BAIAP2: variants seen among roughly 807,000 people sequenced by gnomAD.
BAIAP2 encodes the protein BAR/IMD domain containing adaptor protein 2, also known as BAR/IMD domain-containing adapter protein 2.
A neutral mutation model predicts 63.0 loss-of-function variants in BAIAP2; 18 were observed. That is an observed-to-expected ratio of 0.29 (90% CI 0.20 to 0.42). BAIAP2 has a LOEUF of 0.42. Ranked by LOEUF, BAIAP2 falls within the 10% of genes least tolerant of loss-of-function variation. BAIAP2 has a pLI of 1.00. For missense variants in BAIAP2, 610 were observed against 734.3 expected (o/e 0.83, Z 1.96); for synonymous variants, 386 against 307.6 (o/e 1.25, Z -2.67).
At chr17:81,102,394 C>T (rs945207744) in intron 7 of BAIAP2, among the ~76,000 whole-genome samples, 2 of 152,160 alleles carry the variant, frequency 1.3e-5, no homozygotes, top group African/African-American at 2.4e-5. Context: ...ACTCCTCTAC[C>T]ACTGATCTCA....
In BAIAP2 at chr17:81,098,308, ACT is replaced by A. The variant is rs2057981195; in HGVS notation, c.490-1614_490-1613del. ...AGCGGCCGCCCTCAGCTTCTTCGCC[ACT>A]CTCTCCCCCAAACTCCCCCTCTCCA... On this transcript the variant is annotated intron_variant, in intron 6 of 13. Transcript: ENST00000428708. 4.0e-6 allele frequency: 3 copies of A among 745,010 alleles called. No homozygotes were observed. In the South Asian group the frequency reaches 1.9e-4, roughly 48 times the overall value. The allele number at this position is 745,010 out of a possible 1,614,324, so 46.1% of individuals were successfully genotyped here. A position where few individuals can be genotyped will look rare whatever the true frequency, so the allele number is the denominator to read the frequency against.
chr17:81,082,129 C>G (rs973789584), intron 3 of BAIAP2, among the ~76,000 whole-genome samples: 4 of 152,104 alleles, frequency 2.6e-5, no homozygotes. Flanking sequence ...CCCCGTGAGC[C>G]CTGTGGTTGT....
chr17:81,106,259 T>C, intron 11 of BAIAP2, 113 bp downstream of exon 11: 1 of 1,133,936 alleles, frequency 8.8e-7, no homozygotes, highest in South Asian at 1.5e-5. Context: ...CCTTGTCTGC[T>C]ACCGCAGGGC....
intron 1 of BAIAP2, chr17:81,036,835 C>T (rs1656473461): frequency 2.7e-6 from 4 of 1,507,242 alleles, no homozygotes; most frequent in African/African-American, 1.4e-5. Context: ...TAGTCATTAG[C>T]TCCATTACGA....
chr17:81,073,137 G>C (rs990608131), intron 3 of BAIAP2, among the ~76,000 whole-genome samples: 5 of 152,040 alleles, frequency 3.3e-5, no homozygotes, highest in Admixed American at 2.6e-4. Flanking sequence ...GGGGCCTTCT[G>C]TCCCCATGAC....
At chr17:81,048,899 G>A (rs1385000264) in intron 1 of BAIAP2, among the ~76,000 whole-genome samples, 2 of 152,216 alleles carry the variant, frequency 1.3e-5, no homozygotes, top group African/African-American at 2.4e-5. Flanking sequence ...CCGGCACTTC[G>A]CGGCATGCGT....
chr17:81,046,667 A>G lies in BAIAP2; in HGVS notation c.55-7001A>G, dbSNP rs2047851881. Reference sequence around the variant, plus strand: ...ACTGAGCCTGTGGCCCCCGGACAGCAAGCTCTGAGGTGTCCTCCCGCGAGG... The same window carrying G: ...ACTGAGCCTGTGGCCCCCGGACAGCGAGCTCTGAGGTGTCCTCCCGCGAGG... On this transcript the variant is annotated intron_variant, in intron 1 of 13. Coordinates refer to ENST00000428708, the MANE Select transcript of BAIAP2 (RefSeq NM_001144888.2). The surrounding 1 kb of genome is among the most constrained non-coding windows in gnomAD (Gnocchi z 4.5). 6.6e-6 allele frequency among the ~76,000 whole-genome samples: 1 copy of G among 152,118 alleles called. No individual in the cohort carries two copies. The highest frequency in any genetic ancestry group is 2.4e-5 in the African/African-American group (1 of 41,414).
At chr17:81,104,812 T>C (rs1194343206) in intron 10 of BAIAP2, 97 bp downstream of exon 10, 3 of 1,317,426 alleles carry the variant, frequency 2.3e-6, no homozygotes, top group Non-Finnish European at 3.1e-6. Context: ...GTGTTTAGAG[T>C]GGCTGTGCAG....
At chr17:81,036,621 G>A (rs1481898133) in intron 1 of BAIAP2, among the ~76,000 whole-genome samples, 1 of 152,228 alleles carries the variant, frequency 6.6e-6, no homozygotes, top group Non-Finnish European at 1.5e-5. Flanking sequence ...TTCTGAAGGC[G>A]GGTGTGCGGT....
intron 6 of BAIAP2, among the ~76,000 whole-genome samples, chr17:81,089,355 CAG>C (rs1199312934): frequency 6.6e-6 from 1 of 152,180 alleles, no homozygotes; most frequent in African/African-American, 2.4e-5. Flanking sequence ...TTCGCAGCCA[CAG>C]GGGGCTGGAC....
At chr17:81,088,710 C>T (rs544382974) in intron 6 of BAIAP2, among the ~76,000 whole-genome samples, 1 of 152,334 alleles carries the variant, frequency 6.6e-6, no homozygotes, top group East Asian at 1.9e-4. Context: ...GGGGGTCAGC[C>T]TTTCTTCCTT....
chr17:81,046,295 T>G lies in BAIAP2; in HGVS notation c.55-7373T>G, dbSNP rs554878924. Among the ~76,000 whole-genome samples, 6 of 152,128 alleles carry G rather than the reference T, an allele frequency of 3.9e-5. No individual in the cohort carries two copies. Among genetic ancestry groups the G allele is most frequent in the Non-Finnish European group, 5.9e-5 (4 of 68,008 alleles). ...TCCTAAATCCGTGTACATGTGTTTG[T>G]AGTTTGTCTCCGACTCAAACCAAGT... On this transcript the variant is annotated intron_variant, in intron 1 of 13. Coordinates refer to ENST00000428708, the MANE Select transcript of BAIAP2 (RefSeq NM_001144888.2). The surrounding 1 kb of genome is among the most constrained non-coding windows in gnomAD (Gnocchi z 4.5).
intron 3 of BAIAP2, chr17:81,076,561 CT>C (rs1306108964): frequency 6.6e-6 from 1 of 152,206 alleles, no homozygotes; most frequent in African/African-American, 2.4e-5. Flanking sequence ...CTGTCATCCC[CT>C]GAAGCTGCTT....
At chr17:81,054,517 T>A (rs554120857) in intron 2 of BAIAP2, among the ~76,000 whole-genome samples, 1 of 152,296 alleles carries the variant, frequency 6.6e-6, no homozygotes, top group South Asian at 2.1e-4. Context: ...CGCCCCTGCC[T>A]GTGCGGGCTG....
At chr17:81,109,372 TAAAAAAAAAAAA>T (rs747875777) in intron 13 of BAIAP2, 30 of 890,622 alleles carry the variant, frequency 3.4e-5, no homozygotes, top group Admixed American at 3.0e-4. Context: ...AGAAAAATCT[TAAAAAAAAAAAA>T]AAAAAAAAAA....
intron 1 of BAIAP2, among the ~76,000 whole-genome samples, chr17:81,039,324 A>G (rs986409419): frequency 6.6e-6 from 1 of 152,178 alleles, no homozygotes; most frequent in African/African-American, 2.4e-5. Flanking sequence ...TCCAGGGTGT[A>G]CAACCCTTCT....
intron 3 of BAIAP2, among the ~76,000 whole-genome samples, chr17:81,082,822 G>A (rs900891939): frequency 8.5e-5 from 13 of 152,344 alleles, no homozygotes; most frequent in African/African-American, 3.1e-4. Context: ...GTGCTGACCC[G>A]GGAGGAGGGC....
intron 6 of BAIAP2, chr17:81,097,441 A>G (rs2057810830): frequency 6.6e-6 from 1 of 152,314 alleles, no homozygotes; most frequent in African/African-American, 2.4e-5. Context: ...GGGGGTAGGC[A>G]GCCAGGGAAC....
chr17:81,104,424 G>T (rs926919227), intron 9 of BAIAP2, 90 bp from the exon 10 acceptor site: 35 of 1,378,916 alleles, frequency 2.5e-5, no homozygotes, highest in Admixed American at 1.7e-4. Flanking sequence ...GGCACAGGCG[G>T]CTGTGCTCTC....
Sources: allele counts gnomAD v4.1 joint callset (sites outside exome capture counted in the v4.1 genomes callset), GRCh38; gene constraint gnomAD v4.1.1; non-coding constraint Gnocchi (gnomAD v3.1); transcripts MANE v1.5; gene names NCBI Gene and HGNC (gene_info 2026-07-23, HGNC 2026-07-21).